The following USP43 variants were observed in gnomAD, a reference collection of about 807,000 sequenced individuals.
The protein encoded by USP43 is ubiquitin carboxyl-terminal hydrolase 43.
Under a neutral mutation model 90.7 loss-of-function variants are expected in USP43, and 33 were observed. The observed-to-expected ratio is 0.36, with a 90% confidence interval of 0.28 to 0.49. The LOEUF is 0.49. Among genes scored for constraint, USP43 ranks in the 20% least tolerant of loss-of-function variants. USP43 has a pLI of 0.98. For synonymous variants in USP43, 598 were observed against 615.8 expected (o/e 0.97, Z 0.43); for missense variants, 1,274 against 1,476.4 (o/e 0.86, Z 2.25).
Position 9,700,817 on chromosome 17 carries a change from C to T in USP43, c.1536-302C>T, listed in dbSNP as rs188113027. Among the ~76,000 whole-genome samples, 527 of 152,270 alleles carry T rather than the reference C, an allele frequency of 3.5e-3. 2 individuals carry two copies. The highest frequency in any genetic ancestry group is 0.011 in the South Asian group (51 of 4,826). The stretch of plus-strand genomic sequence containing the variant: ...TCAGCCTTACTTTAAGAAAGGATGT[C>T]GTTCAGTCCAGCAAGTATTTATTGA... On this transcript the variant is annotated intron_variant, in intron 10 of 14. Coordinates refer to ENST00000285199, the MANE Select transcript of USP43 (RefSeq NM_153210.5).
intron 9 of USP43, among the ~76,000 whole-genome samples, chr17:9,694,616 T>A (rs985794355): frequency 6.6e-6 from 1 of 152,022 alleles, no homozygotes; most frequent in Non-Finnish European, 1.5e-5. Flanking sequence ...TTATTTATTA[T>A]TTATTTATTT....
intron 1 of USP43, among the ~76,000 whole-genome samples, chr17:9,648,201 GA>G (rs1454646326): frequency 4.6e-5 from 7 of 152,206 alleles, no homozygotes; most frequent in African/African-American, 1.7e-4. Flanking sequence ...ATACAATCTG[GA>G]ATTTCCTGGG....
At chr17:9,697,641 A>G (rs367562126) in intron 9 of USP43, among the ~76,000 whole-genome samples, 117 of 149,364 alleles carry the variant, frequency 7.8e-4, no homozygotes, top group African/African-American at 2.6e-3. Flanking sequence ...ATTTTCATCC[A>G]TGTTGCTGCA....
At chr17:9,711,882 A>C (rs1450971974) in intron 13 of USP43, 86 bp from the exon 14 acceptor site, 1 of 1,384,190 alleles carries the variant, frequency 7.2e-7, no homozygotes, top group African/African-American at 1.5e-5. Flanking sequence ...ATGGGGCCGG[A>C]ATGGGGATCT....
At chr17:9,699,319 G>A (rs905522173) in intron 9 of USP43, among the ~76,000 whole-genome samples, 2 of 129,280 alleles carry the variant, frequency 1.5e-5, no homozygotes, top group Non-Finnish European at 3.1e-5. Flanking sequence ...CCTGGGCTGG[G>A]AGAACTTCTC....
chr17:9,696,020 A>G (rs1029539018), intron 9 of USP43, among the ~76,000 whole-genome samples: 1 of 151,746 alleles, frequency 6.6e-6, no homozygotes, highest in Admixed American at 6.6e-5. Flanking sequence ...ATCTCCTAGA[A>G]TTTTTTTTGT....
rs2937969 is a variant in USP43, at chr17:9,709,595, A to G, written c.2012-361A>G. 6.6e-6 allele frequency among the ~76,000 whole-genome samples: 1 copy of G among 151,696 alleles called. No individual in the cohort carries two copies. Among genetic ancestry groups the G allele is most frequent in the African/African-American group, 2.4e-5 (1 of 41,242 alleles). On this transcript the variant is annotated intron_variant, in intron 12 of 14. Transcript: ENST00000285199. This position sits in a 1 kb window ranked among gnomAD's most constrained non-coding sequence, Gnocchi z 5.0. ...GCCGGGTGTGGTGGCAGGCAACTGT[A>G]ATCCTAGCTACCCAGGAGGCTGAGG...
In USP43 at chr17:9,657,986, A is replaced by C. The variant is rs772398368; in HGVS notation, c.636+1452A>C. Among the ~76,000 whole-genome samples the C allele has an allele frequency of 5.3e-5, 8 of 152,238 alleles. 1 individual carries two copies. The highest frequency in any genetic ancestry group is 8.8e-5 in the Non-Finnish European group (6 of 68,048). On this transcript the variant is annotated intron_variant, in intron 2 of 14. Transcript: ENST00000285199. ...AAAGTTATTTTAACTACATCCACGA[A>C]TAATCTGCTGTAATAGAAGAAAAGT... is the stretch of plus-strand genomic sequence containing the variant.
intron 3 of USP43, among the ~76,000 whole-genome samples, chr17:9,667,268 G>A (rs113158359): frequency 0.019 from 2,832 of 152,078 alleles, 73 homozygotes; most frequent in African/African-American, 0.055. Context: ...CCAGCTACTC[G>A]GGAGGCTGAG....
intron 12 of USP43, among the ~76,000 whole-genome samples, chr17:9,706,837 G>A (rs1026671337): frequency 6.6e-6 from 1 of 151,762 alleles, no homozygotes; most frequent in Non-Finnish European, 1.5e-5. Flanking sequence ...TAGAGACGGG[G>A]TTTCACTGTG....
At chr17:9,678,239 G>A (rs894390899) in intron 5 of USP43, among the ~76,000 whole-genome samples, 3 of 152,202 alleles carry the variant, frequency 2.0e-5, no homozygotes, top group South Asian at 2.1e-4. Flanking sequence ...AGTGTGGGAC[G>A]GGCATTTCCA....
chr17:9,679,270 T>G (rs1393034087), intron 5 of USP43, among the ~76,000 whole-genome samples: 2 of 150,716 alleles, frequency 1.3e-5, no homozygotes, highest in East Asian at 4.0e-4. Flanking sequence ...GGTGTGATCA[T>G]AGCTTGCTGC....
chr17:9,668,752 G>A (rs1458337528), intron 3 of USP43, among the ~76,000 whole-genome samples: 1 of 152,218 alleles, frequency 6.6e-6, no homozygotes, highest in East Asian at 1.9e-4. Flanking sequence ...AACTCTCCAG[G>A]AGGTATGCAG....
chr17:9,650,809 T>C (rs1403221940), intron 1 of USP43, among the ~76,000 whole-genome samples: 1 of 152,226 alleles, frequency 6.6e-6, no homozygotes, highest in Non-Finnish European at 1.5e-5. Flanking sequence ...TCCCTTATTA[T>C]TAATTTATTG....
At chr17:9,668,633 C>G (rs995463372) in intron 3 of USP43, among the ~76,000 whole-genome samples, 11 of 152,128 alleles carry the variant, frequency 7.2e-5, no homozygotes, top group African/African-American at 2.4e-4. Context: ...TTCGTTCCTG[C>G]TTGCTTGAGG....
chr17:9,706,200 C>T (rs949130379), intron 12 of USP43, among the ~76,000 whole-genome samples: 2 of 152,158 alleles, frequency 1.3e-5, no homozygotes, highest in African/African-American at 4.8e-5. Flanking sequence ...TAGTCTTTTT[C>T]CCATCAATTT....
At chr17:9,658,797 G>A (rs1233058971) in intron 2 of USP43, among the ~76,000 whole-genome samples, 3 of 152,186 alleles carry the variant, frequency 2.0e-5, no homozygotes, top group African/African-American at 4.8e-5. Context: ...TGGATCCAGG[G>A]ACTCAGATCA....
At chr17:9,704,796 C>T (rs1915784626) in intron 12 of USP43, among the ~76,000 whole-genome samples, 1 of 150,380 alleles carries the variant, frequency 6.6e-6, no homozygotes, top group Non-Finnish European at 1.5e-5. Context: ...TGAACCCCTT[C>T]CTTGCAGAGG....
intron 8 of USP43, among the ~76,000 whole-genome samples, chr17:9,689,812 C>T (rs113346608): frequency 6.6e-5 from 10 of 152,166 alleles, no homozygotes; most frequent in African/African-American, 1.4e-4. Flanking sequence ...ATGTTGGTGC[C>T]GTAATGATGG....
Sources: gnomAD v4.1 joint callset for allele counts (sites outside exome capture counted in the v4.1 genomes callset) on GRCh38, gnomAD v4.1.1 for gene constraint, Gnocchi (gnomAD v3.1) non-coding constraint, MANE v1.5 for transcripts, NCBI Gene and HGNC (gene_info 2026-07-23, HGNC 2026-07-21) for gene names.